The following CAMK2D variants were observed in gnomAD, a reference collection of about 807,000 sequenced individuals.
The protein encoded by CAMK2D is calcium/calmodulin dependent protein kinase II delta.
Under a neutral mutation model 84.0 loss-of-function variants are expected in CAMK2D, and 37 were observed. The ratio of observed to expected loss-of-function variants is 0.44; its 90% confidence interval spans 0.34 to 0.58. CAMK2D has a LOEUF of 0.58. Ranked by LOEUF, CAMK2D falls within the 20% of genes least tolerant of loss-of-function variation. The pLI, the probability that CAMK2D is intolerant of heterozygous loss-of-function variation, is 0.02. For missense variants in CAMK2D, 448 were observed against 652.5 expected (o/e 0.69, Z 3.41); for synonymous variants, 202 against 212.5 (o/e 0.95, Z 0.43).
intron 4 of CAMK2D, among the ~76,000 whole-genome samples, chr4:113,607,926 A>T (rs2098984901): frequency 6.6e-6 from 1 of 152,206 alleles, no homozygotes; most frequent in Non-Finnish European, 1.5e-5. Context: ...TACAGACTAA[A>T]TTATTATTTG....
At chr4:113,620,111 G>A (rs1374908483) in intron 3 of CAMK2D, among the ~76,000 whole-genome samples, 1 of 152,164 alleles carries the variant, frequency 6.6e-6, no homozygotes, top group African/African-American at 2.4e-5. Context: ...CAAAGATAGG[G>A]TTGGGTAAGG....
chr4:113,712,356 T>A (rs921268863), intron 2 of CAMK2D, among the ~76,000 whole-genome samples: 1 of 152,174 alleles, frequency 6.6e-6, no homozygotes, highest in African/African-American at 2.4e-5. Context: ...TTCAAATTCA[T>A]ATATTATTTA....
At position 113,453,715 on chromosome 4, in the gene CAMK2D, TAAGAA is replaced by T. The variant is rs2097273579; in HGVS notation, c.*825_*829del. ...CCCAAAAAAGGAAAAGGGAAAAAAG[TAAGAA>T]AAGAATGGAACAAAAGAAAAATAAG... On this transcript the variant is annotated 3_prime_UTR_variant, in exon 21 of 21. Transcript: ENST00000511664. 6.6e-6 allele frequency: 1 copy of T among 151,212 alleles called. No homozygotes were observed. Among genetic ancestry groups the T allele is most frequent in the African/African-American group, 2.4e-5 (1 of 40,978 alleles). 9.4% of individuals were successfully genotyped at this position (151,212 alleles called of 1,614,324 possible).
chr4:113,527,464 A>G (rs913166327), intron 8 of CAMK2D, among the ~76,000 whole-genome samples: 1 of 152,118 alleles, frequency 6.6e-6, no homozygotes, highest in Admixed American at 6.5e-5. Context: ...TATACTTAAT[A>G]GACTATAGTA....
chr4:113,655,754 A>G (rs1424221715), intron 3 of CAMK2D, among the ~76,000 whole-genome samples: 1 of 152,112 alleles, frequency 6.6e-6, no homozygotes, highest in African/African-American at 2.4e-5. Context: ...TGGGACAATC[A>G]GATAAGTCAG....
chr4:113,471,869 C>T (rs2097550406), intron 16 of CAMK2D, among the ~76,000 whole-genome samples: 2 of 150,724 alleles, frequency 1.3e-5, no homozygotes, highest in Admixed American at 6.6e-5. Flanking sequence ...TTTTAAAGAT[C>T]TTCTTACTTT....
intron 5 of CAMK2D, chr4:113,548,678 G>T: frequency 6.4e-7 from 1 of 1,570,998 alleles, no homozygotes; most frequent in South Asian, 1.1e-5. Context: ...TGTGAACTAT[G>T]CCATTTAGGT....
At chr4:113,738,029 T>C (rs1470778590) in intron 2 of CAMK2D, among the ~76,000 whole-genome samples, 1 of 152,170 alleles carries the variant, frequency 6.6e-6, no homozygotes, top group Non-Finnish European at 1.5e-5. Context: ...TCCCTCATTA[T>C]TTCTCACAAC....
intron 2 of CAMK2D, among the ~76,000 whole-genome samples, chr4:113,752,962 T>G (rs1365050433): frequency 6.6e-6 from 1 of 152,104 alleles, no homozygotes; most frequent in Non-Finnish European, 1.5e-5. Context: ...TGAAGGACTC[T>G]GAAGTTTGTA....
chr4:113,453,834 A>G lies in CAMK2D; in HGVS notation c.*711T>C, dbSNP rs1029197978. The G allele has an allele frequency of 2.0e-5, 3 of 152,626 alleles. No individual in the cohort carries two copies. The highest frequency in any genetic ancestry group is 7.2e-5 in the African/African-American group (3 of 41,464). The allele number at this position is 152,626 out of a possible 1,614,324, so 9.5% of individuals were successfully genotyped here. ...AACAATTCAATTCAGCAAATTCACCAAAACAATGTGAATATATCCTAAAGT... is the reference window on the plus strand; with the variant it reads ...AACAATTCAATTCAGCAAATTCACCGAAACAATGTGAATATATCCTAAAGT... On this transcript the variant is annotated 3_prime_UTR_variant, in exon 21 of 21. Coordinates refer to ENST00000511664, the MANE Select transcript of CAMK2D (RefSeq NM_001321571.2).
intron 16 of CAMK2D, among the ~76,000 whole-genome samples, chr4:113,490,740 T>C (rs1329728370): frequency 1.1e-4 from 17 of 148,352 alleles, no homozygotes; most frequent in African/African-American, 4.0e-4. Flanking sequence ...GGCAGTATGG[T>C]CATTTTCACG....
chr4:113,472,879 C>T (rs182680620), intron 16 of CAMK2D, among the ~76,000 whole-genome samples: 1 of 152,202 alleles, frequency 6.6e-6, no homozygotes, highest in East Asian at 1.9e-4. Flanking sequence ...TAATTTAAAT[C>T]CTTCTTTCTA....
chr4:113,533,414 T>C (rs1018050923), intron 7 of CAMK2D, among the ~76,000 whole-genome samples: 3 of 152,136 alleles, frequency 2.0e-5, no homozygotes, highest in Non-Finnish European at 4.4e-5. Context: ...AGGATTATCA[T>C]ACTACATGCC....
At chr4:113,551,309 TTGTA>T (rs2098627603) in intron 5 of CAMK2D, among the ~76,000 whole-genome samples, 1 of 152,208 alleles carries the variant, frequency 6.6e-6, no homozygotes, top group African/African-American at 2.4e-5. Context: ...TTTTAAACTT[TTGTA>T]AAGATTTTGC....
Position 113,552,066 on chromosome 4 carries a change from T to G in CAMK2D, c.306A>C (p.Ile102=). 6.3e-7 allele frequency: 1 copy of G among 1,596,602 alleles called. No individual in the cohort carries two copies. Among genetic ancestry groups the G allele is most frequent in the Admixed American group, 1.7e-5 (1 of 59,274 alleles). Residue 102 remains isoleucine, a synonymous_variant, in exon 5 of 21, where the codon ATA becomes ATC. Transcript: ENST00000511664. Reference sequence around the variant, plus strand: ...CTTCACTGTAGTATTCTCTTGCCACTATGTCTTCAAACAGTTCACCTCCAG... The same window carrying G: ...CTTCACTGTAGTATTCTCTTGCCACGATGTCTTCAAACAGTTCACCTCCAG... The part of the protein sequence containing the change: ...LVTGGELFED[I]VAREYYSEAD...
At chr4:113,528,242 A>G (rs2098435376) in intron 8 of CAMK2D, among the ~76,000 whole-genome samples, 1 of 152,170 alleles carries the variant, frequency 6.6e-6, no homozygotes, top group African/African-American at 2.4e-5. Context: ...TAATAATAGC[A>G]ATGATAACTA....
intron 2 of CAMK2D, among the ~76,000 whole-genome samples, chr4:113,701,773 G>C (rs2099418365): frequency 6.6e-6 from 1 of 152,084 alleles, no homozygotes; most frequent in Non-Finnish European, 1.5e-5. Flanking sequence ...TCAGTGGCCT[G>C]ATATGGCTCA....
At chr4:113,703,763 T>C (rs1217835061) in intron 2 of CAMK2D, among the ~76,000 whole-genome samples, 3 of 152,152 alleles carry the variant, frequency 2.0e-5, no homozygotes, top group Non-Finnish European at 4.4e-5. Flanking sequence ...GGAAATAAAT[T>C]TGGGATGCAA....
In CAMK2D at chr4:113,577,827, C is replaced by T. The variant is rs557458464; in HGVS notation, c.276-25731G>A. On this transcript the variant is annotated intron_variant, in intron 4 of 20. Transcript: ENST00000511664. ...ATGTTGTGCCATGGCATATTTTTCC[C>T]CATGTTCCATGTGTTTGGACATTTC... Among the ~76,000 whole-genome samples, 5 of 151,874 alleles carry T rather than the reference C, an allele frequency of 3.3e-5. No individual in the cohort carries two copies. In the East Asian group the frequency reaches 9.7e-4, roughly 29 times the overall value.
Sources: allele counts gnomAD v4.1 joint callset (sites outside exome capture counted in the v4.1 genomes callset), GRCh38; gene constraint gnomAD v4.1.1; transcripts MANE v1.5; gene names NCBI Gene and HGNC (gene_info 2026-07-23, HGNC 2026-07-21).